The following JAK2 variants were observed in gnomAD, a reference collection of about 807,000 sequenced individuals.
JAK2 encodes the protein Janus kinase 2.
In JAK2, 86 loss-of-function variants were observed where a neutral mutation model predicts 139.3. That is an observed-to-expected ratio of 0.62 (90% CI 0.52 to 0.74). The LOEUF (loss-of-function observed/expected upper bound fraction) is 0.74, where lower values mean the gene tolerates loss of function less well. Ranked by LOEUF, JAK2 falls within the 30% of genes least tolerant of loss-of-function variation. The pLI is 0.00. For missense variants in JAK2, 1,421 were observed against 1,360.3 expected (o/e 1.04, Z -0.70); for synonymous variants, 490 against 437.7 (o/e 1.12, Z -1.49).
intron 4 of JAK2, among the ~76,000 whole-genome samples, chr9:5,033,416 G>C (rs959146889): frequency 2.0e-5 from 3 of 152,118 alleles, no homozygotes; most frequent in South Asian, 2.1e-4. Flanking sequence ...CTTGAGAAGA[G>C]CAACTCCAAC....
chr9:5,069,115 C>T lies in JAK2; in HGVS notation c.1420C>T (p.Leu474Phe). ...TGGGACAAAGAAGAACTTCAGCAGT[C>T]TTAAAGATCTTTTGAATTGTTACCA... ...LSGTKKNFSSLKDLLNCYQME... is the reference protein window; with the variant it reads ...LSGTKKNFSSFKDLLNCYQME... The change falls in exon 11 of 25, where the codon CTT becomes TTT. Residue 474 changes from leucine to phenylalanine, a missense_variant. Coordinates refer to ENST00000381652, the MANE Select transcript of JAK2 (RefSeq NM_004972.4). 6.2e-7 allele frequency: 1 copy of T among 1,611,966 alleles called. No homozygotes were observed.
At chr9:5,115,233 A>G (rs1333433166) in intron 22 of JAK2, among the ~76,000 whole-genome samples, 1 of 152,234 alleles carries the variant, frequency 6.6e-6, no homozygotes, top group Non-Finnish European at 1.5e-5. Context: ...AAACAACCCC[A>G]TCAAAAAGTG....
At chr9:5,124,157 G>C (rs1331398196) in intron 23 of JAK2, among the ~76,000 whole-genome samples, 1 of 151,708 alleles carries the variant, frequency 6.6e-6, no homozygotes, top group Non-Finnish European at 1.5e-5. Flanking sequence ...GATTATGCAG[G>C]TTTTCTGTTC....
chr9:5,068,960 A>T, intron 10 of JAK2, 62 bp from the exon 11 acceptor site: 1 of 932,274 alleles, frequency 1.1e-6, no homozygotes, highest in South Asian at 1.9e-5. Flanking sequence ...ATTTTGTCAG[A>T]ATAATCACTG....
intron 22 of JAK2, chr9:5,096,661 C>T (rs1165412955): frequency 1.3e-5 from 2 of 152,062 alleles, no homozygotes; most frequent in African/African-American, 4.8e-5. Flanking sequence ...CCCTTTTTTC[C>T]ACTTATGTTC....
At chr9:5,104,558 T>A (rs549075289) in intron 22 of JAK2, among the ~76,000 whole-genome samples, 165 of 152,316 alleles carry the variant, frequency 1.1e-3, no homozygotes, top group Non-Finnish European at 1.5e-3. Context: ...TAACTCATTT[T>A]ATGAGGCCAG....
intron 22 of JAK2, among the ~76,000 whole-genome samples, chr9:5,104,123 G>T (rs1166557891): frequency 6.6e-6 from 1 of 152,130 alleles, no homozygotes; most frequent in African/African-American, 2.4e-5. Flanking sequence ...ATGAATCCAG[G>T]AGCTGGTTTT....
At chr9:5,038,301 A>T (rs939205382) in intron 4 of JAK2, among the ~76,000 whole-genome samples, 10 of 152,156 alleles carry the variant, frequency 6.6e-5, no homozygotes, top group Non-Finnish European at 1.3e-4. Flanking sequence ...CAAATTAGCA[A>T]TTTTTATAAA....
chr9:5,066,560 A>G, intron 9 of JAK2, 118 bp from the exon 10 acceptor site: 1 of 640,790 alleles, frequency 1.6e-6, no homozygotes, highest in South Asian at 1.8e-5. Context: ...TAAACATATA[A>G]AGTAGAGGAG....
At chr9:5,096,183 A>G (rs2130715768) in intron 22 of JAK2, among the ~76,000 whole-genome samples, 1 of 152,268 alleles carries the variant, frequency 6.6e-6, no homozygotes, top group South Asian at 2.1e-4. Context: ...TCAAAAACAC[A>G]AAACCCATAT....
intron 22 of JAK2, chr9:5,112,261 C>T (rs867901338): frequency 7.7e-6 from 2 of 258,392 alleles, no homozygotes; most frequent in African/African-American, 2.3e-5. Context: ...CTGAGGACGG[C>T]CCTGCGGGCA....
intron 8 of JAK2, among the ~76,000 whole-genome samples, chr9:5,057,454 A>G (rs1817843777): frequency 6.6e-6 from 1 of 152,118 alleles, no homozygotes; most frequent in Non-Finnish European, 1.5e-5. Context: ...TAGTAGTGTT[A>G]AGTATATTCA....
intron 22 of JAK2, among the ~76,000 whole-genome samples, chr9:5,115,535 A>G (rs1823076178): frequency 6.6e-6 from 1 of 152,190 alleles, no homozygotes; most frequent in Non-Finnish European, 1.5e-5. Context: ...TAGAAATACC[A>G]TTTCACTGAG....
chr9:5,037,596 C>T (rs991215134), intron 4 of JAK2, among the ~76,000 whole-genome samples: 1 of 152,126 alleles, frequency 6.6e-6, no homozygotes, highest in South Asian at 2.1e-4. Flanking sequence ...TCTCAGCAAA[C>T]TATCGCAAGG....
chr9:5,119,981 C>A (rs760541702), intron 22 of JAK2, among the ~76,000 whole-genome samples: 4 of 152,038 alleles, frequency 2.6e-5, no homozygotes, highest in Non-Finnish European at 5.9e-5. Context: ...ATAATAAACA[C>A]TGTCTTAGTC....
chr9:5,062,500 T>TA (rs58424625), intron 8 of JAK2, among the ~76,000 whole-genome samples: 8,533 of 57,028 alleles, frequency 0.15, 1,620 homozygotes, highest in Non-Finnish European at 0.19. Flanking sequence ...CTTCCATTTG[T>TA]AAAAAAAAAA....
chr9:5,066,592 T>C (rs1818587358), intron 9 of JAK2, 86 bp from the exon 10 acceptor site: 2 of 761,850 alleles, frequency 2.6e-6, no homozygotes, highest in Admixed American at 2.1e-5. Context: ...AGTTTTAGAT[T>C]TGACTTTTGA....
chr9:5,047,856 C>G (rs1817125815), intron 5 of JAK2, among the ~76,000 whole-genome samples: 1 of 152,078 alleles, frequency 6.6e-6, no homozygotes. Flanking sequence ...CTACCTCAGC[C>G]TCCCAAAGTG....
At chr9:5,085,866 T>G in intron 19 of JAK2, 1 of 784,648 alleles carries the variant, frequency 1.3e-6, no homozygotes, top group Non-Finnish European at 2.3e-6. Context: ...AGAGATTTCC[T>G]TAAGTTCTGT....
Sources: allele counts gnomAD v4.1 joint callset (sites outside exome capture counted in the v4.1 genomes callset), GRCh38; gene constraint gnomAD v4.1.1; transcripts MANE v1.5; gene names NCBI Gene and HGNC (gene_info 2026-07-23, HGNC 2026-07-21).